Variants in JAK1 observed in about 807,000 individuals in gnomAD.
JAK1 encodes Janus kinase 1.
A neutral mutation model predicts 136.6 loss-of-function variants in JAK1; 16 were observed. That is an observed-to-expected ratio of 0.12 (90% confidence interval 0.08 to 0.18). JAK1 has a LOEUF of 0.18. Among genes scored for constraint, JAK1 ranks in the 10% least tolerant of loss-of-function variants. JAK1 has a pLI of 1.00. For missense variants in JAK1, 859 were observed against 1,450.1 expected (o/e 0.59, Z 6.62); for synonymous variants, 492 against 519.5 (o/e 0.95, Z 0.72).
At chr1:64,975,045 G>C (rs1226845259) in intron 2 of JAK1, among the ~76,000 whole-genome samples, 2 of 151,486 alleles carry the variant, frequency 1.3e-5, no homozygotes, top group Non-Finnish European at 1.5e-5. Context: ...AAGTAGCTGG[G>C]ATTACAAGCA....
chr1:64,930,322 T>A (rs1645666138), intron 1 of JAK1, among the ~76,000 whole-genome samples: 1 of 151,868 alleles, frequency 6.6e-6, no homozygotes, highest in Admixed American at 6.6e-5. Flanking sequence ...AACAACCCCA[T>A]CAAACAGCGG....
intron 2 of JAK1, among the ~76,000 whole-genome samples, chr1:64,979,137 G>A (rs369170584): frequency 3.3e-5 from 5 of 152,090 alleles, no homozygotes; most frequent in East Asian, 3.9e-4. Context: ...GGCTCCTGCC[G>A]GTAATCCCAG....
At chr1:65,001,790 G>A (rs1276162353) in intron 2 of JAK1, among the ~76,000 whole-genome samples, 2 of 151,682 alleles carry the variant, frequency 1.3e-5, no homozygotes, top group Non-Finnish European at 2.9e-5. Context: ...TGTTTGAGGG[G>A]TAGCAGGAAC....
chr1:64,897,149 G>T (rs1336714725), intron 1 of JAK1, among the ~76,000 whole-genome samples: 2 of 151,936 alleles, frequency 1.3e-5, no homozygotes, highest in East Asian at 3.9e-4. Context: ...GGAAAGTGGG[G>T]TTGGGCACGA....
intron 3 of JAK1, 147 bp from the exon 4 acceptor site, chr1:64,879,295 C>A: frequency 2.3e-6 from 2 of 870,288 alleles, no homozygotes; most frequent in Non-Finnish European, 3.4e-6. Context: ...AACAGACTTC[C>A]GACCAGGTTC....
intron 7 of JAK1, among the ~76,000 whole-genome samples, chr1:64,865,479 ATCTGCAC>A (rs1231816424): frequency 5.9e-5 from 9 of 152,228 alleles, no homozygotes; most frequent in African/African-American, 1.9e-4. Context: ...AATAATATAT[ATCTGCAC>A]AAGTGAAAAT....
At chr1:65,014,749 A>G (rs1557758639) in intron 2 of JAK1, among the ~76,000 whole-genome samples, 1 of 150,460 alleles carries the variant, frequency 6.6e-6, no homozygotes, top group Non-Finnish European at 1.5e-5. Context: ...CAGTGGCGCG[A>G]CCTCGGCTCA....
chr1:64,872,969 G>A (rs1023479270), intron 5 of JAK1, among the ~76,000 whole-genome samples: 1 of 151,914 alleles, frequency 6.6e-6, no homozygotes, highest in Non-Finnish European at 1.5e-5. Flanking sequence ...GTGACAGAGT[G>A]GCCATCTCCT....
Position 65,031,306 on chromosome 1 carries a change from A to T in JAK1, c.-78+13174T>A, listed in dbSNP as rs375061392. 3.3e-5 allele frequency among the ~76,000 whole-genome samples: 5 copies of T among 152,278 alleles called. No homozygotes were observed. In the East Asian group the frequency reaches 9.6e-4, roughly 29 times the overall value. On this transcript the variant is annotated intron_variant, in intron 2 of 25. Coordinates refer to the JAK1 transcript ENST00000671954. ...TATAAAGTGCTGAGAAGGACAAAAC[A>T]CTACTTCTGTGGTATTTCTGCTCAA...
intron 2 of JAK1, chr1:64,993,504 A>G (rs1248818206): frequency 1.3e-5 from 2 of 152,278 alleles, no homozygotes; most frequent in Admixed American, 1.3e-4. Context: ...TGAACCGCCA[A>G]AGGTCTTCTC....
intron 2 of JAK1, among the ~76,000 whole-genome samples, chr1:64,978,855 T>TAA (rs76186540): frequency 3.6e-5 from 5 of 139,652 alleles, no homozygotes; most frequent in African/African-American, 2.6e-5. Flanking sequence ...TTTGATAGAT[T>TAA]AAAAAAAAAA....
chr1:65,046,770 G>A (rs1286891014), intron 1 of JAK1, among the ~76,000 whole-genome samples: 1 of 151,530 alleles, frequency 6.6e-6, no homozygotes, highest in South Asian at 2.1e-4. Flanking sequence ...GGCTGGTGTC[G>A]AACTCCTGGC....
In JAK1 at chr1:64,841,253, A is replaced by G; in HGVS notation, c.2641T>C (p.Leu881=). 9 of 1,613,542 alleles carry G rather than the reference A, an allele frequency of 5.6e-6. No individual in the cohort carries two copies. The highest frequency in any genetic ancestry group is 7.6e-6 in the Non-Finnish European group (9 of 1,179,428). ...EKRFLKRIRD[L]GEGHFGKVEL... ...GCACGGGTGTAACTTACCTCTCCCA[A>G]GTCACGGATCCTCTTTAGGAAGCGC... The change falls in exon 19 of 25, where the codon TTG becomes CTG. Residue 881 remains leucine, a synonymous_variant. Transcript: ENST00000342505.
upstream of JAK1, among the ~76,000 whole-genome samples, chr1:64,968,191 C>T (rs756968373): frequency 6.6e-6 from 1 of 151,972 alleles, no homozygotes; most frequent in African/African-American, 2.4e-5. Context: ...TGCCCACGAA[C>T]GAATCTGGCT....
At chr1:64,846,195 G>A (rs550485983) in intron 14 of JAK1, among the ~76,000 whole-genome samples, 1 of 152,268 alleles carries the variant, frequency 6.6e-6, no homozygotes, top group South Asian at 2.1e-4. Context: ...GTGTGCAGCA[G>A]CAGCCCAAGG....
intron 1 of JAK1, among the ~76,000 whole-genome samples, chr1:64,933,152 GT>G (rs1645728237): frequency 1.3e-5 from 2 of 152,278 alleles, no homozygotes; most frequent in East Asian, 3.9e-4. Context: ...CATAAGGTGG[GT>G]ACCACTGTTA....
intron 2 of JAK1, among the ~76,000 whole-genome samples, chr1:65,006,839 G>GTAATGCAC (rs1646807998): frequency 6.6e-6 from 1 of 152,104 alleles, no homozygotes; most frequent in Admixed American, 6.6e-5. Context: ...TTATTAAATA[G>GTAATGCAC]TAATGCACTC....
At position 64,839,681 on chromosome 1, in the gene JAK1, G is replaced by A. The variant is rs373305681; in HGVS notation, c.2764C>T (p.Leu922=). ...PESGGNHIAD[L]KKEIEILRNL... ...CTTAAGATCTCGATTTCCTTTTTCAGATCAGCTATGTGGTTACCTCCACTC... is the reference window on the plus strand; with the variant it reads ...CTTAAGATCTCGATTTCCTTTTTCAAATCAGCTATGTGGTTACCTCCACTC... The change falls in exon 20 of 25, where the codon CTG becomes TTG. Residue 922 remains leucine (L), a synonymous_variant. Coordinates refer to ENST00000342505, the MANE Select transcript of JAK1 (RefSeq NM_002227.4). The A allele has an allele frequency of 1.2e-6, 2 of 1,614,022 alleles. No individual in the cohort carries two copies. Among genetic ancestry groups the A allele is most frequent in the African/African-American group, 1.3e-5 (1 of 74,928 alleles).
intron 2 of JAK1, among the ~76,000 whole-genome samples, chr1:65,007,034 G>A (rs1205188729): frequency 6.6e-6 from 1 of 152,196 alleles, no homozygotes; most frequent in Non-Finnish European, 1.5e-5. Context: ...TTCCAACTGA[G>A]TGGACCTAAT....
Sources: gnomAD v4.1 joint callset for allele counts (sites outside exome capture counted in the v4.1 genomes callset) on GRCh38, gnomAD v4.1.1 for gene constraint, MANE v1.5 for transcripts, NCBI Gene and HGNC (gene_info 2026-07-23, HGNC 2026-07-21) for gene names.